SARS1: variants seen among roughly 807,000 people sequenced by gnomAD.
The protein encoded by SARS1 is serine--tRNA ligase, cytoplasmic.
SARS1 carries 25 observed loss-of-function variants against 63.7 expected under a neutral mutation model. That is an observed-to-expected ratio of 0.39 (90% CI 0.29 to 0.55). SARS1 has a LOEUF of 0.55. SARS1 is among the 20% of genes least tolerant of loss of function. SARS1 has a pLI of 0.62. For synonymous variants in SARS1, 231 were observed against 243.5 expected, an observed-to-expected ratio of 0.95 and a Z score of 0.48; for missense variants, 417 against 649.7, an observed-to-expected ratio of 0.64 and a Z score of 3.89.
Position 109,236,452 on chromosome 1 carries a change from A to G in SARS1, c.1161A>G (p.Gly387=), listed in dbSNP as rs1342573598. 3 of 1,604,494 alleles carry G rather than the reference A, an allele frequency of 1.9e-6. No individual in the cohort carries two copies. In the Admixed American group the frequency reaches 5.0e-5, roughly 27 times the overall value. Residue 387 remains glycine, a synonymous_variant, in exon 9 of 11, where the codon GGA becomes GGG. Transcript: ENST00000234677. ...LDLEAWFPGS[G]AFRELVSCSN... ...TGGAGGCCTGGTTTCCGGGCTCAGGAGCCTTCCGTGAGTTGGTCTCCTGTT... is the reference window on the plus strand; with the variant it reads ...TGGAGGCCTGGTTTCCGGGCTCAGGGGCCTTCCGTGAGTTGGTCTCCTGTT...
chr1:109,231,599 A>G (rs759901717), intron 5 of SARS1, 32 bp from the exon 6 acceptor site: 15 of 1,382,206 alleles, frequency 1.1e-5, no homozygotes. Flanking sequence ...GACAAGACCC[A>G]ATCACATAGT....
intron 2 of SARS1, among the ~76,000 whole-genome samples, chr1:109,226,697 T>TACACATATATATATATATATAC (rs1553177764): frequency 4.8e-5 from 5 of 104,148 alleles, no homozygotes; most frequent in East Asian, 5.5e-4. Context: ...TATATATATA[T>TACACATATATATATATATATAC]ACACACACAC....
chr1:109,221,998 A>G (rs1557715377), intron 1 of SARS1, among the ~76,000 whole-genome samples: 4 of 11,802 alleles, frequency 3.4e-4, no homozygotes, highest in Admixed American at 4.0e-3. Context: ...ATATATATAT[A>G]TATATATATA....
chr1:109,232,581 G>A (rs939566463), intron 6 of SARS1, among the ~76,000 whole-genome samples: 4 of 152,116 alleles, frequency 2.6e-5, no homozygotes, highest in Non-Finnish European at 1.5e-5. Flanking sequence ...TAATTAGAAC[G>A]ATCTTTCCAT....
rs1459910301 is a variant in SARS1 at position 109,237,764 on chromosome 1, C to T, written c.1421C>T (p.Ala474Val). The T allele has an allele frequency of 1.9e-6, 3 of 1,614,144 alleles. No individual in the cohort carries two copies. The highest frequency in any genetic ancestry group is 1.7e-6 in the Non-Finnish European group (2 of 1,180,032). ...LQELIPFVKPAPIEQEPSKKQ... is the reference protein window; with the variant it reads ...LQELIPFVKPVPIEQEPSKKQ... ...GAACTGATCCCCTTTGTGAAGCCTG[C>T]GCCCATTGAGCAGGAGCCATCAAAG... The change falls in exon 11 of 11, where the codon GCG becomes GTG. Residue 474 changes from alanine (A) to valine (V), a missense_variant. This residue lies in a region of SARS1 where 43 missense variants were observed against 68.1 expected (regional missense o/e 0.63). Transcript: ENST00000234677. This position sits in a 1 kb window ranked among gnomAD's most constrained non-coding sequence, Gnocchi z 4.1.
At chr1:109,231,381 C>T in intron 5 of SARS1, 2 of 331,630 alleles carry the variant, frequency 6.0e-6, no homozygotes, top group Non-Finnish European at 1.1e-5. Context: ...TTTGTGTAGG[C>T]CCAAAGTGCT....
chr1:109,224,236 T>C (rs187189364), intron 2 of SARS1, among the ~76,000 whole-genome samples, 188 bp downstream of exon 2: 2 of 152,376 alleles, frequency 1.3e-5, no homozygotes, highest in African/African-American at 4.8e-5. Flanking sequence ...TTTCATATAC[T>C]TTACCACAAG....
intron 1 of SARS1, among the ~76,000 whole-genome samples, chr1:109,218,989 G>A (rs368491437): frequency 9.9e-5 from 15 of 151,890 alleles, no homozygotes; most frequent in East Asian, 1.9e-4. Flanking sequence ...CATTTAGGCC[G>A]GGCGTGGTGG....
At position 109,214,512 on chromosome 1, in the gene SARS1, A is replaced by G; in HGVS notation, c.136+384A>G. 2 of 1,014,660 alleles carry G rather than the reference A, an allele frequency of 2.0e-6. No individual in the cohort carries two copies. Among genetic ancestry groups the G allele is most frequent in the Non-Finnish European group, 2.4e-6 (2 of 846,590 alleles). The allele number at this position is 1,014,660 out of a possible 1,614,324, so 62.9% of individuals were successfully genotyped here. On this transcript the variant is annotated intron_variant, in intron 1 of 10. Transcript: ENST00000234677. This position sits in a 1 kb window ranked among gnomAD's most constrained non-coding sequence, Gnocchi z 4.6. ...CCCCCCCAGTCTTTTTCTCATCTTC[A>G]GCAAGGCCAGAGTGGTTTTCCTTTG...
chr1:109,233,962 C>T (rs915684018), intron 6 of SARS1, among the ~76,000 whole-genome samples: 6 of 149,960 alleles, frequency 4.0e-5, no homozygotes, highest in Non-Finnish European at 8.9e-5. Flanking sequence ...CTCTACGCAC[C>T]GAGTTCAAGG....
rs778744262 is a variant in SARS1, at chr1:109,214,611, G to C, written c.136+483G>C. 1 of 985,906 alleles carries C rather than the reference G, an allele frequency of 1.0e-6. No individual in the cohort carries two copies. The highest frequency in any genetic ancestry group is 5.2e-4 in the Middle Eastern group (1 of 1,916). 61.1% of individuals were successfully genotyped at this position (985,906 alleles called of 1,614,324 possible). Reference sequence around the variant, plus strand: ...ACAGTAGATTCATTCCTTCGGTATCGGAAGCATTTCGGGGCGTTGGAGGCC... The same window carrying C: ...ACAGTAGATTCATTCCTTCGGTATCCGAAGCATTTCGGGGCGTTGGAGGCC... On this transcript the variant is annotated intron_variant, in intron 1 of 10. Transcript: ENST00000234677. The surrounding 1 kb of genome is among the most constrained non-coding windows in gnomAD (Gnocchi z 4.6).
chr1:109,234,162 A>G (rs1286481289), intron 6 of SARS1, among the ~76,000 whole-genome samples: 1 of 151,398 alleles, frequency 6.6e-6, no homozygotes, highest in Non-Finnish European at 1.5e-5. Context: ...TACAGGCATG[A>G]GCCATTACGC....
chr1:109,237,786 A>C lies in SARS1; in HGVS notation c.1443A>C (p.Ser481=). ...CTGCGCCCATTGAGCAGGAGCCATC[A>C]AAGAAGCAGAAGAAGCAACATGAGG... is the stretch of plus-strand genomic sequence containing the variant. ...VKPAPIEQEP[S]KKQKKQHEGS... is the part of the protein sequence containing the mutation. Residue 481 remains serine (S), a synonymous_variant, in exon 11 of 11, where the codon TCA becomes TCC. Coordinates refer to ENST00000234677, the MANE Select transcript of SARS1 (RefSeq NM_006513.4). The surrounding 1 kb of genome is among the most constrained non-coding windows in gnomAD (Gnocchi z 4.1). 1 of 1,614,234 alleles carries C rather than the reference A, an allele frequency of 6.2e-7. No individual in the cohort carries two copies. Among genetic ancestry groups the C allele is most frequent in the South Asian group, 1.1e-5 (1 of 91,088 alleles).
chr1:109,229,245 A>G (rs140293878), intron 3 of SARS1, among the ~76,000 whole-genome samples, 169 bp from the exon 4 acceptor site: 72 of 152,336 alleles, frequency 4.7e-4, no homozygotes, highest in African/African-American at 1.5e-3. Flanking sequence ...GACTGTGTAT[A>G]TCTGTGTGTG....
At chr1:109,227,474 A>G (rs1057369120) in intron 2 of SARS1, among the ~76,000 whole-genome samples, 1 of 152,186 alleles carries the variant, frequency 6.6e-6, no homozygotes, top group African/African-American at 2.4e-5. Context: ...AATTACATTG[A>G]TTGTTCTAAA....
At chr1:109,236,215 A>G in intron 8 of SARS1, 109 bp downstream of exon 8, 1 of 1,381,566 alleles carries the variant, frequency 7.2e-7, no homozygotes, top group East Asian at 2.3e-5. Flanking sequence ...CTCATTGCCC[A>G]CATTAATTAA....
At chr1:109,236,707 T>A in intron 9 of SARS1, 159 bp downstream of exon 9, 1 of 1,507,796 alleles carries the variant, frequency 6.6e-7, no homozygotes, top group Non-Finnish European at 8.9e-7. Context: ...TTCTACTGAG[T>A]CAGGACTGAG....
chr1:109,238,032 C>T lies in SARS1; in HGVS notation c.*144C>T, dbSNP rs181895775. 100 of 841,466 alleles carry T rather than the reference C, an allele frequency of 1.2e-4. 1 individual carries two copies. The East Asian group carries it at 1.6e-3, about 13-fold the overall frequency. 52.1% of individuals were successfully genotyped at this position (841,466 alleles called of 1,614,324 possible). A position where few individuals can be genotyped will look rare whatever the true frequency, so the allele number is the denominator to read the frequency against. ...CTGAGAGGGGAACAGTGCCATGTAC[C>T]ACACAGATGTTCCTGTCTCCTCGCA... On this transcript the variant is annotated 3_prime_UTR_variant, in exon 11 of 11. Coordinates refer to ENST00000234677, the MANE Select transcript of SARS1 (RefSeq NM_006513.4).
Position 109,216,590 on chromosome 1 carries a change from G to GT in SARS1, c.136+2472dup, listed in dbSNP as rs34647086. On this transcript the variant is annotated intron_variant, in intron 1 of 10. Coordinates refer to ENST00000234677, the MANE Select transcript of SARS1 (RefSeq NM_006513.4). ...CCCTCAAAAAGTGCTATCCTGAGTGGTTTTTTTTTTCTTTTTACTGTACAT... is the reference window on the plus strand; with the variant it reads ...CCCTCAAAAAGTGCTATCCTGAGTGGTTTTTTTTTTTCTTTTTACTGTACAT... 5,075 of 898,176 alleles carry GT rather than the reference G, an allele frequency of 5.7e-3. 2 individuals carry two copies. Among genetic ancestry groups the GT allele is most frequent in the East Asian group, 0.022 (185 of 8,350 alleles). The allele number at this position is 898,176 out of a possible 1,614,324, so 55.6% of individuals were successfully genotyped here.
Sources: gnomAD v4.1 joint callset for allele counts (sites outside exome capture counted in the v4.1 genomes callset) on GRCh38, gnomAD v4.1.1 for gene constraint, gnomAD v4.1.1 regional missense constraint, Gnocchi (gnomAD v3.1) non-coding constraint, MANE v1.5 for transcripts, NCBI Gene and HGNC (gene_info 2026-07-23, HGNC 2026-07-21) for gene names.